INPP5A: variants seen among roughly 807,000 people sequenced by gnomAD.
INPP5A encodes 43 kDa inositol polyphosphate 5-phophatase.
In INPP5A, 14 loss-of-function variants were observed where a neutral mutation model predicts 65.2. The observed-to-expected ratio is 0.21, with a 90% CI of 0.14 to 0.34. INPP5A has a LOEUF of 0.34. INPP5A is among the 10% of genes least tolerant of loss of function. The pLI is 1.00. For synonymous variants in INPP5A, 207 were observed against 208.3 expected (o/e 0.99, Z 0.05); for missense variants, 431 against 545.6 (o/e 0.79, Z 2.09).
chr10:132,778,282 ATT>A (rs1258791183), intron 13 of INPP5A, among the ~76,000 whole-genome samples: 1 of 61,736 alleles, frequency 1.6e-5, no homozygotes, highest in Non-Finnish European at 3.5e-5. Flanking sequence ...ATTTCCTGTG[ATT>A]TTTTTTTTTT....
chr10:132,757,181 C>T (rs1221970235), intron 11 of INPP5A, among the ~76,000 whole-genome samples: 2 of 152,164 alleles, frequency 1.3e-5, no homozygotes, highest in Non-Finnish European at 2.9e-5. Context: ...TCTCAGCGTT[C>T]CGTATTTATA....
At chr10:132,770,040 G>A (rs1846921547) in intron 12 of INPP5A, among the ~76,000 whole-genome samples, 1 of 152,218 alleles carries the variant, frequency 6.6e-6, no homozygotes, top group Admixed American at 6.5e-5. Flanking sequence ...ATTTCTAGGC[G>A]TTAGCATTTC....
intron 1 of INPP5A, among the ~76,000 whole-genome samples, chr10:132,568,186 T>C (rs2071295296): frequency 8.5e-6 from 1 of 118,038 alleles, no homozygotes; most frequent in East Asian, 2.3e-4. Context: ...CAAGACTCCG[T>C]CTCAAAAAAA....
Position 132,678,959 on chromosome 10 carries a change from G to A in INPP5A, c.307-11433G>A, listed in dbSNP as rs2073007300. Among the ~76,000 whole-genome samples, 1 of 152,244 alleles carries A rather than the reference G, an allele frequency of 6.6e-6. No individual in the cohort carries two copies. Among genetic ancestry groups the A allele is most frequent in the Non-Finnish European group, 1.5e-5 (1 of 68,044 alleles). On this transcript the variant is annotated intron_variant, in intron 4 of 15. Coordinates refer to ENST00000368594, the MANE Select transcript of INPP5A (RefSeq NM_005539.5). The surrounding 1 kb of genome is among the most constrained non-coding windows in gnomAD (Gnocchi z 4.1). ...GCCTCCTCAGGCCCAGATGGCCAAT[G>A]GGGCTGGAGCTCTGTCAGCTGGGTG...
At chr10:132,695,912 C>T (rs1219027435) in intron 5 of INPP5A, among the ~76,000 whole-genome samples, 3 of 152,110 alleles carry the variant, frequency 2.0e-5, no homozygotes, top group Non-Finnish European at 4.4e-5. Context: ...AGGTGCCCCC[C>T]ACCCCCAAAT....
Position 132,640,957 on chromosome 10 carries a change from G to A in INPP5A, c.118-4911G>A, listed in dbSNP as rs73401246. ...GATCCGACGTGGGTTCAGTTTTTCCGCCGGGATGCTCTGCCATGGCGTTAC... is the reference window on the plus strand; with the variant it reads ...GATCCGACGTGGGTTCAGTTTTTCCACCGGGATGCTCTGCCATGGCGTTAC... On this transcript the variant is annotated intron_variant, in intron 2 of 15. Coordinates refer to ENST00000368594, the MANE Select transcript of INPP5A (RefSeq NM_005539.5). Among the ~76,000 whole-genome samples, 436 of 152,244 alleles carry A rather than the reference G, an allele frequency of 2.9e-3. 2 individuals carry two copies. Among genetic ancestry groups the A allele is most frequent in the African/African-American group, 0.01 (416 of 41,530 alleles).
At chr10:132,724,545 G>GT (rs1490423174) in intron 8 of INPP5A, among the ~76,000 whole-genome samples, 1 of 151,840 alleles carries the variant, frequency 6.6e-6, no homozygotes, top group African/African-American at 2.4e-5. Context: ...AGGAGCACGT[G>GT]TTCACCACAG....
intron 9 of INPP5A, among the ~76,000 whole-genome samples, chr10:132,740,340 C>T (rs1846251564): frequency 6.6e-6 from 1 of 152,190 alleles, no homozygotes; most frequent in Admixed American, 6.5e-5. Flanking sequence ...GGTCCGGACC[C>T]TCAGGCACGT....
At chr10:132,734,381 A>C (rs574359822) in intron 9 of INPP5A, among the ~76,000 whole-genome samples, 8 of 152,266 alleles carry the variant, frequency 5.3e-5, no homozygotes, top group Admixed American at 3.9e-4. Flanking sequence ...CATTTTTCGC[A>C]CTGTGGTCCA....
intron 5 of INPP5A, among the ~76,000 whole-genome samples, chr10:132,695,802 G>T (rs1845335441): frequency 1.3e-5 from 2 of 152,192 alleles, no homozygotes; most frequent in African/African-American, 4.8e-5. Flanking sequence ...ATTAATACAA[G>T]ATCTCTGTGA....
At chr10:132,687,947 T>C (rs147340576) in intron 4 of INPP5A, among the ~76,000 whole-genome samples, 1 of 152,356 alleles carries the variant, frequency 6.6e-6, no homozygotes, top group Non-Finnish European at 1.5e-5. Context: ...AAGTGTGTTC[T>C]GTCAGAGGGC....
At position 132,608,646 on chromosome 10, in the gene INPP5A, G is replaced by A. The variant is rs116119847; in HGVS notation, c.117+690G>A. Among the ~76,000 whole-genome samples the A allele has an allele frequency of 2.0e-3, 307 of 152,322 alleles. 2 individuals carry two copies. The highest frequency in any genetic ancestry group is 7.2e-3 in the African/African-American group (298 of 41,574). ...GGGGGAGGCCAGGCAGGCGAGGAGGGCAACGTGGCCATGGGCATGACGGTG... is the reference window on the plus strand; with the variant it reads ...GGGGGAGGCCAGGCAGGCGAGGAGGACAACGTGGCCATGGGCATGACGGTG... On this transcript the variant is annotated intron_variant, in intron 2 of 15. Transcript: ENST00000368594.
rs753107572 is a variant in INPP5A, at chr10:132,706,131, T to C, written c.475-2182T>C. The stretch of plus-strand genomic sequence containing the variant: ...AGAACAGATTCTAGACTAGATGTGG[T>C]CAAAGAGAGAATCAGAGAATTAGAC... On this transcript the variant is annotated intron_variant, in intron 6 of 15. Coordinates refer to ENST00000368594, the MANE Select transcript of INPP5A (RefSeq NM_005539.5). This position sits in a 1 kb window ranked among gnomAD's most constrained non-coding sequence, Gnocchi z 4.7. Among the ~76,000 whole-genome samples, 5 of 152,230 alleles carry C rather than the reference T, an allele frequency of 3.3e-5. No homozygotes were observed. Among genetic ancestry groups the C allele is most frequent in the Non-Finnish European group, 7.3e-5 (5 of 68,038 alleles).
rs1465285846 is a variant in INPP5A, at chr10:132,674,598, C to A, written c.307-15794C>A. On this transcript the variant is annotated intron_variant, in intron 4 of 15. Coordinates refer to ENST00000368594, the MANE Select transcript of INPP5A (RefSeq NM_005539.5). The surrounding 1 kb of genome is among the most constrained non-coding windows in gnomAD (Gnocchi z 4.4). The stretch of plus-strand genomic sequence containing the variant: ...GGAGTGGAGACCATGGGCATTTGAG[C>A]CACGTCGTCATGTAACTTACTTGTG... Among the ~76,000 whole-genome samples, 1 of 152,156 alleles carries A rather than the reference C, an allele frequency of 6.6e-6. No individual in the cohort carries two copies. Among genetic ancestry groups the A allele is most frequent in the Non-Finnish European group, 1.5e-5 (1 of 68,040 alleles).
chr10:132,657,164 G>A (rs905766727), intron 4 of INPP5A, among the ~76,000 whole-genome samples: 4 of 152,208 alleles, frequency 2.6e-5, no homozygotes, highest in East Asian at 1.9e-4. Flanking sequence ...TCTTGGGCTC[G>A]GAGCAGAACT....
chr10:132,750,233 C>T (rs958246554), intron 11 of INPP5A, among the ~76,000 whole-genome samples: 2 of 152,260 alleles, frequency 1.3e-5, no homozygotes, highest in Non-Finnish European at 1.5e-5. Context: ...CCTCACACTC[C>T]TGTCGCTAGA....
intron 2 of INPP5A, 27 bp downstream of exon 2, chr10:132,607,983 T>A (rs1278135887): frequency 6.2e-7 from 1 of 1,606,740 alleles, no homozygotes; most frequent in Non-Finnish European, 8.5e-7. Flanking sequence ...CGTGTTCTTT[T>A]GGATTCATTA....
chr10:132,776,659 C>T (rs992670645), intron 12 of INPP5A, among the ~76,000 whole-genome samples: 27 of 152,334 alleles, frequency 1.8e-4, no homozygotes, highest in African/African-American at 5.5e-4. Context: ...ACAGGACCCC[C>T]GGGGTTCGTT....
chr10:132,737,809 G>A (rs1050954052), intron 9 of INPP5A, among the ~76,000 whole-genome samples: 1 of 152,208 alleles, frequency 6.6e-6, no homozygotes, highest in Non-Finnish European at 1.5e-5. Flanking sequence ...TTTCTGTTTA[G>A]AAAGAGATTT....
Sources: gnomAD v4.1 joint callset for allele counts (sites outside exome capture counted in the v4.1 genomes callset) on GRCh38, gnomAD v4.1.1 for gene constraint, Gnocchi (gnomAD v3.1) non-coding constraint, MANE v1.5 for transcripts, NCBI Gene and HGNC (gene_info 2026-07-23, HGNC 2026-07-21) for gene names.